Variants in GNG7 observed in about 807,000 individuals in gnomAD.
GNG7 encodes G protein subunit gamma 7, also known as guanine nucleotide-binding protein G(I)/G(S)/G(O) subunit gamma-7.
Under a neutral mutation model 4.0 loss-of-function variants are expected in GNG7, and 1 was observed. The observed-to-expected ratio is 0.25, with a 90% CI of 0.09 to 1.18. The LOEUF (loss-of-function observed/expected upper bound fraction) is 1.18, where lower values mean the gene tolerates loss of function less well. Among genes scored for constraint, GNG7 ranks in the 50% most tolerant of loss-of-function variants. GNG7 has a pLI of 0.50. For missense variants in GNG7, 86 were observed against 91.9 expected (o/e 0.94, Z 0.26); for synonymous variants, 34 against 36.9 (o/e 0.92, Z 0.29).
At chr19:2,553,635 TGTAATA>T (rs1268082103) in intron 3 of GNG7, among the ~76,000 whole-genome samples, 8 of 83,240 alleles carry the variant, frequency 9.6e-5, no homozygotes, top group African/African-American at 3.5e-4. Context: ...ACACGTTACA[TGTAATA>T]TGTTATATTA....
intron 3 of GNG7, among the ~76,000 whole-genome samples, chr19:2,543,933 T>TTA (rs1259154054): frequency 1.3e-5 from 2 of 152,084 alleles, no homozygotes; most frequent in East Asian, 3.9e-4. Flanking sequence ...ACCAGTAGCT[T>TTA]TATAGCTCGC....
intron 2 of GNG7, among the ~76,000 whole-genome samples, chr19:2,573,588 G>A (rs1980217760): frequency 6.6e-6 from 1 of 151,954 alleles, no homozygotes; most frequent in African/African-American, 2.4e-5. Context: ...AGGCCGAGGC[G>A]GGCAGATTAC....
At chr19:2,529,833 C>G (rs1007552887) in intron 3 of GNG7, among the ~76,000 whole-genome samples, 1 of 152,162 alleles carries the variant, frequency 6.6e-6, no homozygotes, top group South Asian at 2.1e-4. Context: ...AGGGACCACA[C>G]GGTGCCTGCC....
intron 3 of GNG7, among the ~76,000 whole-genome samples, chr19:2,552,146 C>G (rs1979352821): frequency 2.0e-5 from 3 of 151,970 alleles, no homozygotes; most frequent in Admixed American, 1.3e-4. Context: ...AATCTAATGC[C>G]TAATGGCCTC....
chr19:2,697,313 G>A (rs1913290535), intron 1 of GNG7, among the ~76,000 whole-genome samples: 4 of 152,134 alleles, frequency 2.6e-5, no homozygotes, highest in South Asian at 2.1e-4. Flanking sequence ...AGCTGCCCAC[G>A]AACCCCACCG....
At chr19:2,683,965 C>T (rs927163768) in intron 1 of GNG7, among the ~76,000 whole-genome samples, 5 of 152,124 alleles carry the variant, frequency 3.3e-5, no homozygotes, top group African/African-American at 9.7e-5. Context: ...GCAAAAGCGA[C>T]GTCAAATGGA....
chr19:2,611,369 C>T lies in GNG7; in HGVS notation c.-78+34855G>A, dbSNP rs1320219312. ...CCCGGGAGCTGGTCTGTGCTGCCAC[C>T]TGCTGGTCATGGCCCGACAGGCGGC... On this transcript the variant is annotated intron_variant, in intron 2 of 4. Transcript: ENST00000382159. This position sits in a 1 kb window ranked among gnomAD's most constrained non-coding sequence, Gnocchi z 6.0. 1 of 152,274 alleles carries T rather than the reference C, an allele frequency of 6.6e-6. No homozygotes were observed. The highest frequency in any genetic ancestry group is 1.5e-5 in the Non-Finnish European group (1 of 68,094). 9.4% of individuals were successfully genotyped at this position (152,274 alleles called of 1,614,324 possible).
intron 2 of GNG7, among the ~76,000 whole-genome samples, chr19:2,555,706 G>T (rs952215375): frequency 2.0e-5 from 3 of 152,108 alleles, no homozygotes; most frequent in African/African-American, 7.2e-5. Context: ...AAGGCCGGGG[G>T]TCTCATGTGA....
At chr19:2,666,701 T>C (rs1020920370) in intron 1 of GNG7, among the ~76,000 whole-genome samples, 7 of 152,222 alleles carry the variant, frequency 4.6e-5, no homozygotes, top group Non-Finnish European at 1.0e-4. Flanking sequence ...ACGGAACATA[T>C]GTTCTCTGTT....
Position 2,698,324 on chromosome 19 carries a change from G to C in GNG7, c.-135+4322C>G, listed in dbSNP as rs1352689412. Among the ~76,000 whole-genome samples the C allele has an allele frequency of 2.0e-5, 3 of 152,114 alleles. 1 individual carries two copies. Among genetic ancestry groups the C allele is most frequent in the African/African-American group, 7.2e-5 (3 of 41,478 alleles). Reference sequence around the variant, plus strand: ...CACGCCTGTAATCCCAACACTTTGGGAGGCCGAGGTAGGTGGATCACCTGA... The same window carrying C: ...CACGCCTGTAATCCCAACACTTTGGCAGGCCGAGGTAGGTGGATCACCTGA... On this transcript the variant is annotated intron_variant, in intron 1 of 4. Transcript: ENST00000382159.
intron 3 of GNG7, among the ~76,000 whole-genome samples, chr19:2,541,181 G>A (rs1419777819): frequency 1.3e-5 from 2 of 152,192 alleles, no homozygotes; most frequent in Non-Finnish European, 1.5e-5. Context: ...GTTAAAAGAG[G>A]CTGATCAGGT....
At chr19:2,656,032 AAAAAAAAAAAAGAAAGAAAG>A (rs1568275914) in intron 1 of GNG7, among the ~76,000 whole-genome samples, 1 of 116,884 alleles carries the variant, frequency 8.6e-6, no homozygotes, top group Non-Finnish European at 1.7e-5. Context: ...TTCAAAACAA[AAAAAAAAAAAAGAAAGAAAG>A]AAAAAAAAAA....
chr19:2,695,626 C>T (rs1913225735), intron 1 of GNG7, among the ~76,000 whole-genome samples: 1 of 151,748 alleles, frequency 6.6e-6, no homozygotes, highest in African/African-American at 2.4e-5. Flanking sequence ...CTTGAAGGGT[C>T]AGAGGGCAGG....
At chr19:2,681,139 G>C (rs1247115510) in intron 1 of GNG7, among the ~76,000 whole-genome samples, 1 of 150,800 alleles carries the variant, frequency 6.6e-6, no homozygotes, top group Admixed American at 6.7e-5. Context: ...GCCCCAGCAG[G>C]CCTGGCTAAT....
chr19:2,639,761 A>AAGGAGGGAGGGAGGGGGAGGAAGGG (rs1568270900), intron 2 of GNG7, among the ~76,000 whole-genome samples: 1 of 888 alleles, frequency 1.1e-3, no homozygotes, highest in African/African-American at 7.8e-3. Flanking sequence ...GGGAGGAAGG[A>AAGGAGGGAGGGAGGGGGAGGAAGGG]GGGGGGAAGG....
At chr19:2,538,935 A>AT (rs555187908) in intron 3 of GNG7, 3,705 of 204,820 alleles carry the variant, frequency 0.018, 129 homozygotes, top group African/African-American at 0.081. Flanking sequence ...TGCCCGGCTA[A>AT]TTTTTTTTTG....
chr19:2,607,622 T>C (rs8102316), intron 2 of GNG7, among the ~76,000 whole-genome samples: 6,551 of 146,432 alleles, frequency 0.045, 507 homozygotes, highest in African/African-American at 0.16. Context: ...CATATTAGGA[T>C]GGGGCAAGCT....
chr19:2,550,196 C>T (rs1365575736), intron 3 of GNG7, among the ~76,000 whole-genome samples: 3 of 152,184 alleles, frequency 2.0e-5, no homozygotes, highest in South Asian at 4.1e-4. Flanking sequence ...GGCACTCTCT[C>T]ATCCAGCCCC....
intron 2 of GNG7, among the ~76,000 whole-genome samples, chr19:2,638,009 C>T (rs1348534269): frequency 6.6e-6 from 1 of 151,942 alleles, no homozygotes; most frequent in Non-Finnish European, 1.5e-5. Context: ...TGATTTACAC[C>T]ATCTGCCCCA....
Sources: gnomAD v4.1 joint callset for allele counts (sites outside exome capture counted in the v4.1 genomes callset) on GRCh38, gnomAD v4.1.1 for gene constraint, Gnocchi (gnomAD v3.1) non-coding constraint, MANE v1.5 for transcripts, NCBI Gene and HGNC (gene_info 2026-07-23, HGNC 2026-07-21) for gene names.